Variants in PTPRD observed in about 807,000 individuals in gnomAD.
PTPRD encodes receptor-type tyrosine-protein phosphatase delta.
A neutral mutation model predicts 214.5 loss-of-function variants in PTPRD; 34 were observed. The observed-to-expected ratio is 0.16, with a 90% CI of 0.12 to 0.21. The LOEUF is 0.21. Ranked by LOEUF, PTPRD falls within the 10% of genes least tolerant of loss-of-function variation. The pLI is 1.00. For missense variants in PTPRD, 2,545 were observed against 2,398.7 expected (o/e 1.06, Z -1.27); for synonymous variants, 1,128 against 845.7 (o/e 1.33, Z -5.79).
At chr9:9,672,943 T>C (rs2096858951) in intron 7 of PTPRD, among the ~76,000 whole-genome samples, 2 of 152,176 alleles carry the variant, frequency 1.3e-5, no homozygotes, top group Admixed American at 6.5e-5. Flanking sequence ...GACTCTAGCG[T>C]AAATCTGTTA....
At chr9:9,631,824 C>A (rs1045044377) in intron 7 of PTPRD, among the ~76,000 whole-genome samples, 1 of 152,026 alleles carries the variant, frequency 6.6e-6, no homozygotes, top group Non-Finnish European at 1.5e-5. Flanking sequence ...ACAAATAACC[C>A]AATTCAGCCA....
Position 10,311,936 on chromosome 9 carries a change from T to TC in PTPRD, c.-545+29026_-545+29027insG, listed in dbSNP as rs889350085. On this transcript the variant is annotated intron_variant, in intron 3 of 45. Coordinates refer to ENST00000381196, the MANE Select transcript of PTPRD (RefSeq NM_002839.4). ...TAGAGCTTTATTTACCACTTTTTTT[T>TC]TCTCTCTCTCTTCCCTGGCCTCCAA... 1.4e-4 allele frequency among the ~76,000 whole-genome samples: 21 copies of TC among 152,028 alleles called. No individual in the cohort carries two copies. In the Middle Eastern group the frequency reaches 0.01, roughly 74 times the overall value.
At chr9:9,533,818 G>T (rs1169790623) in intron 8 of PTPRD, among the ~76,000 whole-genome samples, 2 of 151,884 alleles carry the variant, frequency 1.3e-5, no homozygotes, top group Non-Finnish European at 2.9e-5. Flanking sequence ...ACAAGAGAGT[G>T]GAATAGAAGG....
intron 3 of PTPRD, among the ~76,000 whole-genome samples, chr9:10,330,599 G>A (rs2096731399): frequency 6.6e-6 from 1 of 151,696 alleles, no homozygotes; most frequent in Admixed American, 6.6e-5. Context: ...AACTAAACTG[G>A]AACTACATTT....
chr9:8,452,319 G>C (rs1332659093), intron 33 of PTPRD, among the ~76,000 whole-genome samples: 2 of 152,174 alleles, frequency 1.3e-5, no homozygotes, highest in African/African-American at 2.4e-5. Context: ...CTTATTATGT[G>C]ATGTGCTAGA....
intron 14 of PTPRD, among the ~76,000 whole-genome samples, chr9:8,581,492 T>G (rs1029331997): frequency 1.3e-5 from 2 of 152,196 alleles, no homozygotes; most frequent in African/African-American, 2.4e-5. Context: ...CTCACGCCTG[T>G]AATCCCAGCA....
chr9:9,043,184 C>A (rs1274225340), intron 10 of PTPRD, among the ~76,000 whole-genome samples: 1 of 152,090 alleles, frequency 6.6e-6, no homozygotes, highest in African/African-American at 2.4e-5. Flanking sequence ...CTTCTGTATC[C>A]TAGCAGAGGA....
At chr9:10,350,280 T>C (rs1284472888) in intron 2 of PTPRD, among the ~76,000 whole-genome samples, 3 of 152,284 alleles carry the variant, frequency 2.0e-5, no homozygotes, top group East Asian at 3.9e-4. Context: ...TCAAGGGAAC[T>C]ATAAGAAGAA....
At chr9:10,295,594 T>C (rs2095651173) in intron 3 of PTPRD, among the ~76,000 whole-genome samples, 1 of 152,134 alleles carries the variant, frequency 6.6e-6, no homozygotes, top group Non-Finnish European at 1.5e-5. Context: ...TTTGTTTACA[T>C]CACTCTCTGT....
chr9:9,726,199 T>A (rs2098087689), intron 7 of PTPRD, among the ~76,000 whole-genome samples: 1 of 152,196 alleles, frequency 6.6e-6, no homozygotes, highest in Non-Finnish European at 1.5e-5. Flanking sequence ...CCTCCTCGGT[T>A]AACTCCATTC....
At chr9:9,648,112 A>C (rs1314120869) in intron 7 of PTPRD, among the ~76,000 whole-genome samples, 3 of 152,208 alleles carry the variant, frequency 2.0e-5, no homozygotes, top group African/African-American at 7.2e-5. Context: ...CTGAAAGAAT[A>C]ATTTTTGTCA....
chr9:9,020,338 T>C (rs974422920), intron 10 of PTPRD, among the ~76,000 whole-genome samples: 4 of 152,184 alleles, frequency 2.6e-5, no homozygotes, highest in African/African-American at 7.2e-5. Context: ...TTTTAAAAGA[T>C]TATCTGTTTG....
At chr9:8,539,816 G>A (rs924620923) in intron 14 of PTPRD, among the ~76,000 whole-genome samples, 2 of 152,140 alleles carry the variant, frequency 1.3e-5, no homozygotes, top group African/African-American at 2.4e-5. Flanking sequence ...AGGTTGACAA[G>A]TACAAAATAC....
intron 3 of PTPRD, among the ~76,000 whole-genome samples, chr9:10,113,202 A>T (rs572027082): frequency 6.6e-6 from 1 of 152,348 alleles, no homozygotes; most frequent in South Asian, 2.1e-4. Context: ...CATAATAACT[A>T]AACAGGAACT....
At chr9:9,631,202 T>TAAAA (rs2095579682) in intron 7 of PTPRD, among the ~76,000 whole-genome samples, 1 of 68,842 alleles carries the variant, frequency 1.5e-5, no homozygotes, top group Admixed American at 1.3e-4. Flanking sequence ...CATAAATAAA[T>TAAAA]AAATAAATAA....
At chr9:10,339,105 T>C (rs2096894520) in intron 3 of PTPRD, among the ~76,000 whole-genome samples, 2 of 151,784 alleles carry the variant, frequency 1.3e-5, no homozygotes, top group South Asian at 4.1e-4. Flanking sequence ...TGGATACATG[T>C]AAGTCCTGGA....
chr9:9,012,737 C>G (rs1244246655), intron 11 of PTPRD, among the ~76,000 whole-genome samples: 1 of 152,132 alleles, frequency 6.6e-6, no homozygotes, highest in African/African-American at 2.4e-5. Context: ...TTTTGCCATT[C>G]TGCCATCCAG....
At chr9:9,199,072 T>C (rs2099940355) in intron 9 of PTPRD, among the ~76,000 whole-genome samples, 1 of 152,130 alleles carries the variant, frequency 6.6e-6, no homozygotes, top group Non-Finnish European at 1.5e-5. Context: ...AAGGCTTAGA[T>C]TGAAAGACGG....
At chr9:10,554,164 T>C (rs999839322) in intron 2 of PTPRD, among the ~76,000 whole-genome samples, 1 of 152,206 alleles carries the variant, frequency 6.6e-6, no homozygotes, top group Non-Finnish European at 1.5e-5. Context: ...CAACCCTTTC[T>C]GCATGCCGTT....
Sources: gnomAD v4.1 joint callset for allele counts (sites outside exome capture counted in the v4.1 genomes callset) on GRCh38, gnomAD v4.1.1 for gene constraint, MANE v1.5 for transcripts, NCBI Gene and HGNC (gene_info 2026-07-23, HGNC 2026-07-21) for gene names.